Variants in ABCD3 observed in about 807,000 individuals in gnomAD.
The protein encoded by ABCD3 is ATP binding cassette subfamily D member 3.
Under a neutral mutation model 105.5 loss-of-function variants are expected in ABCD3, and 41 were observed. The ratio of observed to expected loss-of-function variants is 0.39; its 90% CI spans 0.30 to 0.50. The LOEUF is 0.50. Ranked by LOEUF, ABCD3 falls within the 20% of genes least tolerant of loss-of-function variation. The pLI is 0.84. For synonymous variants in ABCD3, 258 were observed against 269.0 expected (o/e 0.96, Z 0.40); for missense variants, 622 against 806.3 (o/e 0.77, Z 2.77).
At position 94,504,015 on chromosome 1, in the gene ABCD3, C is replaced by T. The variant is rs1315616316; in HGVS notation, c.1741-2523C>T. Reference sequence around the variant, plus strand: ...ATAACCTCCACCTCCTGGGTTCAAGCGATTCTCCTGCCTCAGCCTCCTGAG... The same window carrying T: ...ATAACCTCCACCTCCTGGGTTCAAGTGATTCTCCTGCCTCAGCCTCCTGAG... On this transcript the variant is annotated intron_variant, in intron 20 of 22. Coordinates refer to ENST00000370214, the MANE Select transcript of ABCD3 (RefSeq NM_002858.4). Among the ~76,000 whole-genome samples the T allele has an allele frequency of 2.0e-5, 3 of 149,420 alleles. No homozygotes were observed. In the Admixed American group the frequency reaches 2.1e-4, roughly 10 times the overall value.
intron 5 of ABCD3, among the ~76,000 whole-genome samples, chr1:94,474,937 A>G (rs914619082): frequency 3.9e-5 from 6 of 152,182 alleles, no homozygotes; most frequent in African/African-American, 1.4e-4. Context: ...AACATATTCC[A>G]TGTAAACTTT....
chr1:94,514,944 C>G, intron 21 of ABCD3: 1 of 542,664 alleles, frequency 1.8e-6, no homozygotes, highest in Admixed American at 3.2e-5. Context: ...ATGCCAGTAC[C>G]TGGTAGTTTT....
the ABCD3 span, among the ~76,000 whole-genome samples, chr1:94,412,012 A>G: frequency 6.6e-6 from 1 of 152,282 alleles, no homozygotes; most frequent in South Asian, 2.1e-4. Flanking sequence ...AAGGGGAATG[A>G]CTGCTTAATG....
chr1:94,508,131 C>T (rs1007534285), intron 21 of ABCD3, among the ~76,000 whole-genome samples: 3 of 151,960 alleles, frequency 2.0e-5, no homozygotes, highest in Admixed American at 6.6e-5. Context: ...TTAGGTCTAA[C>T]GTTTAAGTCT....
At chr1:94,401,346 G>A in the ABCD3 span, among the ~76,000 whole-genome samples, 24 of 152,220 alleles carry the variant, frequency 1.6e-4, no homozygotes, top group Non-Finnish European at 2.6e-4. Context: ...ACGGAATGGT[G>A]CCCAAACATG....
At chr1:94,417,604 G>A (rs1659071797), upstream of ABCD3, among the ~76,000 whole-genome samples, 1 of 152,196 alleles carries the variant, frequency 6.6e-6, no homozygotes, top group South Asian at 2.1e-4. Context: ...ATGTCCCTTT[G>A]CAAAGAACAG....
intron 5 of ABCD3, among the ~76,000 whole-genome samples, chr1:94,474,383 C>T (rs1443756489): frequency 6.6e-6 from 1 of 151,916 alleles, no homozygotes; most frequent in African/African-American, 2.4e-5. Context: ...ATTGTTTAGT[C>T]TAAAATATAA....
intron 10 of ABCD3, among the ~76,000 whole-genome samples, chr1:94,484,531 C>G (rs563985048): frequency 9.2e-5 from 14 of 152,240 alleles, no homozygotes; most frequent in African/African-American, 3.4e-4. Context: ...CAAACTGTTG[C>G]AAGGACGGAA....
upstream of ABCD3, among the ~76,000 whole-genome samples, chr1:94,416,656 C>T (rs1383747421): frequency 6.6e-6 from 1 of 152,216 alleles, no homozygotes; most frequent in Non-Finnish European, 1.5e-5. Context: ...GATCCCTATT[C>T]CTCAAGACAA....
the ABCD3 span, among the ~76,000 whole-genome samples, chr1:94,410,987 G>C: frequency 1.3e-5 from 2 of 152,150 alleles, no homozygotes; most frequent in Admixed American, 6.5e-5. Flanking sequence ...GATACAAAAG[G>C]GATCAAAGAC....
chr1:94,493,212 A>G (rs1649622427), intron 16 of ABCD3, among the ~76,000 whole-genome samples: 1 of 151,980 alleles, frequency 6.6e-6, no homozygotes, highest in Non-Finnish European at 1.5e-5. Context: ...CAAAGGGCTA[A>G]TATCCAGAAT....
At chr1:94,397,142 T>C in the ABCD3 span, among the ~76,000 whole-genome samples, 3 of 152,208 alleles carry the variant, frequency 2.0e-5, no homozygotes, top group Non-Finnish European at 2.9e-5. Context: ...TAACTATTAA[T>C]ATATAGACAA....
the ABCD3 span, among the ~76,000 whole-genome samples, chr1:94,391,994 C>T: frequency 6.6e-6 from 1 of 152,054 alleles, no homozygotes; most frequent in Non-Finnish European, 1.5e-5. Context: ...AGGGAGTGGC[C>T]TTTGGTCCTT....
chr1:94,457,926 A>G (rs1294205686), intron 1 of ABCD3, among the ~76,000 whole-genome samples: 1 of 152,168 alleles, frequency 6.6e-6, no homozygotes, highest in East Asian at 1.9e-4. Context: ...AACTAGTTTA[A>G]TGGAAGGGAA....
Position 94,487,772 on chromosome 1 carries a change from C to T in ABCD3, c.1046C>T (p.Thr349Ile). The T allele has an allele frequency of 1.2e-6, 2 of 1,613,890 alleles. No individual in the cohort carries two copies. Among genetic ancestry groups the T allele is most frequent in the Non-Finnish European group, 1.7e-6 (2 of 1,179,870 alleles). Residue 349 changes from threonine (T) to isoleucine (I), a missense_variant, in exon 12 of 23, where the codon ACA becomes ATA. By Grantham distance (89) the Thr-to-Ile change is moderately conservative. Transcript: ENST00000370214. ...DLSHPRHLKS[T>I]HSELLEDYYQ... ...TCTCATCCTCGACATCTCAAGAGTA[C>T]ACATTCGGAACTTCTAGAGGTAAAC...
intron 1 of ABCD3, among the ~76,000 whole-genome samples, chr1:94,445,201 T>C (rs1261771375): frequency 6.6e-6 from 1 of 152,212 alleles, no homozygotes; most frequent in African/African-American, 2.4e-5. Context: ...GTGAGACCCC[T>C]GATTGCCCAC....
intron 20 of ABCD3, among the ~76,000 whole-genome samples, chr1:94,502,031 G>A (rs987126950): frequency 6.6e-6 from 1 of 151,884 alleles, no homozygotes; most frequent in Non-Finnish European, 1.5e-5. Flanking sequence ...CCAGGGTGTG[G>A]CCCATAGGAG....
rs771029079 is a variant in ABCD3, at chr1:94,418,465, G to C, written c.-14G>C. 38 of 1,589,170 alleles carry C rather than the reference G, an allele frequency of 2.4e-5. No homozygotes were observed. The East Asian group carries it at 8.5e-4, about 35-fold the overall frequency. On this transcript the variant is annotated 5_prime_UTR_variant, in exon 1 of 23. Coordinates refer to ENST00000370214, the MANE Select transcript of ABCD3 (RefSeq NM_002858.4). ...GCCGCGTCCCCTCGCCGGCTCGCTG[G>C]TACCGGCAGTGCCATGGCGGCCTTC...
At chr1:94,512,574 A>C (rs1371239352) in intron 21 of ABCD3, among the ~76,000 whole-genome samples, 2 of 152,010 alleles carry the variant, frequency 1.3e-5, no homozygotes. Flanking sequence ...TAAACATTAG[A>C]GTTTTTTTAT....
Sources: gnomAD v4.1 joint callset for allele counts (sites outside exome capture counted in the v4.1 genomes callset) on GRCh38, gnomAD v4.1.1 for gene constraint, MANE v1.5 for transcripts, NCBI Gene and HGNC (gene_info 2026-07-23, HGNC 2026-07-21) for gene names.